Variants in INHBA observed in about 807,000 individuals in gnomAD.
INHBA encodes inhibin subunit beta A.
INHBA carries 1 observed loss-of-function variant against 29.0 expected under a neutral mutation model. The ratio of observed to expected loss-of-function variants is 0.03; its 90% CI spans 0.01 to 0.16. INHBA has a LOEUF of 0.16. Ranked by LOEUF, INHBA falls within the 10% of genes least tolerant of loss-of-function variation. The probability of loss-of-function intolerance (pLI) is 1.00; values close to 1 mark genes in which losing one functional copy is unlikely to be tolerated. For synonymous variants in INHBA, 242 were observed against 216.8 expected (o/e 1.12, Z -1.02); for missense variants, 376 against 545.4 (o/e 0.69, Z 3.09).
chr7:41,694,727 G>A (rs1375014802), intron 2 of INHBA, among the ~76,000 whole-genome samples: 1 of 152,138 alleles, frequency 6.6e-6, no homozygotes, highest in Non-Finnish European at 1.5e-5. Flanking sequence ...CACTAAGAAA[G>A]TCCCACGCAA....
chr7:41,699,860 A>G, intron 2 of INHBA, 127 bp downstream of exon 2: 1 of 702,272 alleles, frequency 1.4e-6, no homozygotes, highest in Non-Finnish European at 2.4e-6. Context: ...ATCACCTAAT[A>G]ACTAATAACC....
At chr7:41,694,225 C>G (rs1794588859) in intron 2 of INHBA, 1 of 152,166 alleles carries the variant, frequency 6.6e-6, no homozygotes, top group African/African-American at 2.4e-5. Context: ...TTTATCAGGG[C>G]TGTAGGCTTC....
At chr7:41,692,046 C>A (rs1379431122) in intron 2 of INHBA, 1 of 152,184 alleles carries the variant, frequency 6.6e-6, no homozygotes, top group Non-Finnish European at 1.5e-5. Context: ...AGAAAGTCAC[C>A]TATTTCCTTC....
intron 2 of INHBA, among the ~76,000 whole-genome samples, chr7:41,697,677 T>C (rs1794679099): frequency 6.6e-6 from 1 of 152,204 alleles, no homozygotes; most frequent in Non-Finnish European, 1.5e-5. Flanking sequence ...CTCCAAAAAC[T>C]CTTGACATTC....
Position 41,686,734 on chromosome 7 carries a change from C to A in INHBA, c.*2916G>T, listed in dbSNP as rs1404718238. The A allele has an allele frequency of 6.6e-6, 1 of 152,142 alleles. No homozygotes were observed. Among genetic ancestry groups the A allele is most frequent in the Non-Finnish European group, 1.5e-5 (1 of 68,004 alleles). 9.4% of individuals were successfully genotyped at this position (152,142 alleles called of 1,614,324 possible). On this transcript the variant is annotated 3_prime_UTR_variant, in exon 3 of 3. Coordinates refer to ENST00000242208, the MANE Select transcript of INHBA (RefSeq NM_002192.4). ...TCTGATAACTGTGGTCACTAATCAA[C>A]CCCCATGTTATCCCCGATATGTCTA...
chr7:41,697,536 T>C (rs1489533300), intron 2 of INHBA, among the ~76,000 whole-genome samples: 1 of 152,152 alleles, frequency 6.6e-6, no homozygotes, highest in African/African-American at 2.4e-5. Flanking sequence ...TAGCCTCAAA[T>C]TGAAGAATCT....
chr7:41,699,064 A>C (rs1474916530), intron 2 of INHBA, among the ~76,000 whole-genome samples: 1 of 152,192 alleles, frequency 6.6e-6, no homozygotes, highest in Non-Finnish European at 1.5e-5. Flanking sequence ...TTAACTATAA[A>C]AATAGCCTGG....
chr7:41,700,344 A>G lies in INHBA; in HGVS notation c.31T>C (p.Leu11=), dbSNP rs757609397. Residue 11 remains leucine, a synonymous_variant, in exon 2 of 3, where the codon TTG becomes CTG. Transcript: ENST00000242208. MPLLWLRGFL[L]ASCWIIVRSS... ...CTCACTATAATCCAGCAACTTGCCA[A>G]CAGAAATCCTCTCAGCCAAAGCAAG... 12 of 1,501,562 alleles carry G rather than the reference A, an allele frequency of 8.0e-6. No individual in the cohort carries two copies. The highest frequency in any genetic ancestry group is 1.4e-5 in the African/African-American group (1 of 71,890). The allele number at this position is 1,501,562 out of a possible 1,614,324, so 93.0% of individuals were successfully genotyped here.
In INHBA at chr7:41,700,305, G is replaced by C. The variant is rs1444327391; in HGVS notation, c.70C>G (p.Pro24Ala). ...CWIIVRSSPT[P>A]GSEGHSAAPD... Reference sequence around the variant, plus strand: ...GCCGCGCTGTGCCCCTCGGATCCTGGGGTGGGGGAACTCCTCACTATAATC... The same window carrying C: ...GCCGCGCTGTGCCCCTCGGATCCTGCGGTGGGGGAACTCCTCACTATAATC... Residue 24 changes from proline to alanine, a missense_variant, in exon 2 of 3, where the codon CCA becomes GCA. By Grantham distance (27) the Pro-to-Ala change is conservative. Transcript: ENST00000242208. 6.4e-7 allele frequency: 1 copy of C among 1,573,144 alleles called. No homozygotes were observed. Among genetic ancestry groups the C allele is most frequent in the Non-Finnish European group, 8.6e-7 (1 of 1,158,642 alleles).
rs1293543624 is a variant in INHBA, at chr7:41,703,004, C to A, written c.-144+1G>T. 1 of 152,208 alleles carries A rather than the reference C, an allele frequency of 6.6e-6. No homozygotes were observed. The highest frequency in any genetic ancestry group is 1.5e-5 in the Non-Finnish European group (1 of 68,048). The allele number at this position is 152,208 out of a possible 1,614,324, so 9.4% of individuals were successfully genotyped here. A position where few individuals can be genotyped will look rare whatever the true frequency, so the allele number is the denominator to read the frequency against. On this transcript the variant is annotated splice_donor_variant, in intron 1 of 2. Coordinates refer to ENST00000242208, the MANE Select transcript of INHBA (RefSeq NM_002192.4). LOFTEE classifies it low-confidence loss of function (5UTR_SPLICE). ...CAGAAGTAAGAGTTAAAAAGCATTA[C>A]CTTTCTGGTCCCCACTCTTCCACCA...
intron 2 of INHBA, chr7:41,693,909 GC>G (rs1794577045): frequency 6.6e-6 from 1 of 152,168 alleles, no homozygotes; most frequent in Non-Finnish European, 1.5e-5. Context: ...TAATTGACAT[GC>G]CTGTCGCCTC....
At chr7:41,704,352 A>C (rs1411515923), upstream of INHBA, among the ~76,000 whole-genome samples, 2 of 151,808 alleles carry the variant, frequency 1.3e-5, no homozygotes, top group Non-Finnish European at 2.9e-5. Flanking sequence ...GAAATGAAGT[A>C]GGAAAAAAAT....
intron 2 of INHBA, among the ~76,000 whole-genome samples, chr7:41,698,995 TAAC>T (rs1256759259): frequency 6.6e-6 from 1 of 152,190 alleles, no homozygotes. Context: ...AACACGGTAT[TAAC>T]ACATCTGTGT....
At chr7:41,692,198 C>CT (rs1262452646) in intron 2 of INHBA, 1 of 152,180 alleles carries the variant, frequency 6.6e-6, no homozygotes, top group Non-Finnish European at 1.5e-5. Context: ...AACATATCCT[C>CT]TTTTCCATGA....
intron 2 of INHBA, chr7:41,694,163 T>C (rs1054047184): frequency 6.6e-6 from 1 of 152,210 alleles, no homozygotes; most frequent in African/African-American, 2.4e-5. Flanking sequence ...TAGCTTTCAT[T>C]GCAGAAGGGT....
chr7:41,695,829 C>T (rs950731234), intron 2 of INHBA, among the ~76,000 whole-genome samples: 3 of 152,082 alleles, frequency 2.0e-5, no homozygotes, highest in South Asian at 2.1e-4. Flanking sequence ...CAGTCGAGTA[C>T]GAAGAATTCA....
At chr7:41,698,264 T>A (rs1158266786) in intron 2 of INHBA, among the ~76,000 whole-genome samples, 3 of 152,116 alleles carry the variant, frequency 2.0e-5, no homozygotes, top group African/African-American at 7.2e-5. Context: ...GAGGGGCATA[T>A]TGCTAGTAAC....
chr7:41,690,621 C>G (rs1331683246), intron 2 of INHBA, 79 bp from the exon 3 acceptor site: 4 of 1,446,356 alleles, frequency 2.8e-6, no homozygotes, highest in Non-Finnish European at 3.6e-6. Flanking sequence ...AAATTTCAGG[C>G]AAGCAGGAGT....
At chr7:41,704,730 G>A (rs960406332), upstream of INHBA, among the ~76,000 whole-genome samples, 19 of 151,804 alleles carry the variant, frequency 1.3e-4, no homozygotes, top group African/African-American at 4.6e-4. Context: ...CTCACTCACC[G>A]TGTAAACTCA....
Sources: gnomAD v4.1 joint callset for allele counts (sites outside exome capture counted in the v4.1 genomes callset) on GRCh38, gnomAD v4.1.1 for gene constraint, MANE v1.5 for transcripts, NCBI Gene and HGNC (gene_info 2026-07-23, HGNC 2026-07-21) for gene names.